FBXW7: variants seen among roughly 807,000 people sequenced by gnomAD.
FBXW7 encodes the protein F-box/WD repeat-containing protein 7.
In FBXW7, 11 loss-of-function variants were observed where a neutral mutation model predicts 86.3. The ratio of observed to expected loss-of-function variants is 0.13; its 90% CI spans 0.08 to 0.21. The LOEUF is 0.21. Among genes scored for constraint, FBXW7 ranks in the 10% least tolerant of loss-of-function variants. The pLI is 1.00. For synonymous variants in FBXW7, 313 were observed against 297.9 expected, an observed-to-expected ratio of 1.05 and a Z score of -0.52; for missense variants, 488 against 847.4, an observed-to-expected ratio of 0.58 and a Z score of 5.27.
At chr4:152,426,034 C>A (rs930888552) in intron 2 of FBXW7, among the ~76,000 whole-genome samples, 1 of 152,152 alleles carries the variant, frequency 6.6e-6, no homozygotes, top group South Asian at 2.1e-4. Context: ...TCATACAGGG[C>A]TCTGTGTCGC....
chr4:152,474,075 T>C (rs1744189305), intron 2 of FBXW7, among the ~76,000 whole-genome samples: 1 of 152,172 alleles, frequency 6.6e-6, no homozygotes, highest in Admixed American at 6.5e-5. Flanking sequence ...GGTGACCAAA[T>C]TAAGACAACA....
At chr4:152,531,267 G>C (rs889743628) in intron 2 of FBXW7, among the ~76,000 whole-genome samples, 19 of 152,212 alleles carry the variant, frequency 1.2e-4, no homozygotes, top group African/African-American at 4.3e-4. Context: ...AGGATGACAA[G>C]AGAAGGCCTC....
At chr4:152,490,161 GA>G (rs1745699500) in intron 2 of FBXW7, among the ~76,000 whole-genome samples, 1 of 152,026 alleles carries the variant, frequency 6.6e-6, no homozygotes, top group Admixed American at 6.6e-5. Context: ...ACGTTACCAG[GA>G]AATCAGGGGA....
At chr4:152,334,758 T>A (rs1042886446) in intron 7 of FBXW7, among the ~76,000 whole-genome samples, 1 of 152,164 alleles carries the variant, frequency 6.6e-6, no homozygotes, top group African/African-American at 2.4e-5. Flanking sequence ...CTAAAGAAAG[T>A]TGAAGTGCTA....
At chr4:152,394,154 G>A (rs1407943997) in intron 4 of FBXW7, among the ~76,000 whole-genome samples, 2 of 152,006 alleles carry the variant, frequency 1.3e-5, no homozygotes, top group Non-Finnish European at 2.9e-5. Flanking sequence ...CATAGTGATT[G>A]CTTCATTTGT....
chr4:152,321,378 ATAAC>A lies in FBXW7; in HGVS notation c.*1499_*1502del. 4.3e-6 allele frequency: 1 copy of A among 233,002 alleles called. No individual in the cohort carries two copies. Among genetic ancestry groups the A allele is most frequent in the Non-Finnish European group, 8.5e-6 (1 of 117,640 alleles). 14.4% of individuals were successfully genotyped at this position (233,002 alleles called of 1,614,324 possible). Reference sequence around the variant, plus strand: ...TTCCTCCATCATGTCAGGTTGTTACATAACTAAAATTAACCAACTTGAATCTGAT... The same window carrying A: ...TTCCTCCATCATGTCAGGTTGTTACATAAAATTAACCAACTTGAATCTGAT... On this transcript the variant is annotated 3_prime_UTR_variant, in exon 14 of 14. Transcript: ENST00000281708.
rs1383146368 is a variant in FBXW7 at position 152,535,043 on chromosome 4, A to T, written c.-212-10T>A. On this transcript the variant is annotated splice_polypyrimidine_tract_variant and intron_variant, in intron 1 of 13. Coordinates refer to ENST00000281708, the MANE Select transcript of FBXW7 (RefSeq NM_001349798.2). ...AGGCTCCGGCGCGGTACTGAGGAAG[A>T]AGCGGTGCTCGTGTCGCTAAACCAG... 2 of 152,272 alleles carry T rather than the reference A, an allele frequency of 1.3e-5. No homozygotes were observed. Among genetic ancestry groups the T allele is most frequent in the Non-Finnish European group, 2.9e-5 (2 of 68,138 alleles). 9.4% of individuals were successfully genotyped at this position (152,272 alleles called of 1,614,324 possible). A position where few individuals can be genotyped will look rare whatever the true frequency, so the allele number is the denominator to read the frequency against.
intron 2 of FBXW7, among the ~76,000 whole-genome samples, chr4:152,522,236 CT>C (rs1749092257): frequency 6.6e-6 from 1 of 152,088 alleles, no homozygotes. Flanking sequence ...TCATAATACA[CT>C]TTTACATGAA....
In FBXW7 at chr4:152,350,116, T is replaced by TC; in HGVS notation, c.509dup (p.Leu172ValfsTer6). 1 of 1,550,964 alleles carries TC rather than the reference T, an allele frequency of 6.4e-7. No homozygotes were observed. Among genetic ancestry groups the TC allele is most frequent in the Non-Finnish European group, 8.8e-7 (1 of 1,142,258 alleles). ...GGACCTCAGAACCATGGTCCAACTT[T>TC]CTTTTCATCTATAAGGTAAAACAAA... On this transcript the variant is annotated frameshift_variant, in exon 5 of 14. Coordinates refer to ENST00000281708, the MANE Select transcript of FBXW7 (RefSeq NM_001349798.2). LOFTEE classifies it high-confidence loss of function.
At chr4:152,398,983 C>T (rs1391856336) in intron 4 of FBXW7, among the ~76,000 whole-genome samples, 1 of 152,040 alleles carries the variant, frequency 6.6e-6, no homozygotes, top group Non-Finnish European at 1.5e-5. Context: ...ATATATATAT[C>T]TTACATTTAC....
chr4:152,454,745 A>G (rs1399243762), intron 2 of FBXW7, among the ~76,000 whole-genome samples: 1 of 152,166 alleles, frequency 6.6e-6, no homozygotes, highest in Non-Finnish European at 1.5e-5. Context: ...AAACAAAAAA[A>G]CCTAGAATGC....
At chr4:152,365,693 A>T (rs1358146595) in intron 4 of FBXW7, among the ~76,000 whole-genome samples, 2 of 152,152 alleles carry the variant, frequency 1.3e-5, no homozygotes, top group African/African-American at 4.8e-5. Flanking sequence ...GGATCTTGAG[A>T]TATCTTGGAG....
intron 2 of FBXW7, among the ~76,000 whole-genome samples, chr4:152,481,189 C>T (rs1441334032): frequency 6.6e-6 from 1 of 152,132 alleles, no homozygotes; most frequent in Non-Finnish European, 1.5e-5. Context: ...AATTGTAGGG[C>T]CCTTAAGAAA....
chr4:152,415,720 C>T lies in FBXW7; in HGVS notation c.-119-3191G>A, dbSNP rs577854760. On this transcript the variant is annotated intron_variant, in intron 2 of 13. Coordinates refer to ENST00000281708, the MANE Select transcript of FBXW7 (RefSeq NM_001349798.2). ...CTTCTATCATCTACATACATCCCCA[C>T]CACTGTGAACTCATATTTTACTACT... is the stretch of plus-strand genomic sequence containing the variant. Among the ~76,000 whole-genome samples the T allele has an allele frequency of 2.0e-5, 3 of 152,204 alleles. No individual in the cohort carries two copies. In the East Asian group the frequency reaches 5.8e-4, roughly 29 times the overall value.
chr4:152,528,023 G>A (rs1456257820), intron 2 of FBXW7, among the ~76,000 whole-genome samples: 2 of 151,862 alleles, frequency 1.3e-5, no homozygotes, highest in African/African-American at 2.4e-5. Context: ...AGATGAAAAC[G>A]CCAAAGCCAG....
chr4:152,457,128 A>G (rs1742484270), intron 2 of FBXW7, among the ~76,000 whole-genome samples: 1 of 152,228 alleles, frequency 6.6e-6, no homozygotes, highest in African/African-American at 2.4e-5. Flanking sequence ...AGTCAGACAA[A>G]AGAGGAGACA....
At chr4:152,494,061 T>G (rs1746091793) in intron 2 of FBXW7, among the ~76,000 whole-genome samples, 1 of 152,144 alleles carries the variant, frequency 6.6e-6, no homozygotes, top group Non-Finnish European at 1.5e-5. Flanking sequence ...ATGCTTATTG[T>G]TTTTATTTTT....
At chr4:152,346,779 G>A in intron 6 of FBXW7, 151 bp downstream of exon 6, 1 of 1,018,290 alleles carries the variant, frequency 9.8e-7, no homozygotes, top group Non-Finnish European at 1.4e-6. Context: ...GTGGCCTTTT[G>A]TGTCTGGCTT....
intron 2 of FBXW7, among the ~76,000 whole-genome samples, chr4:152,529,630 C>T (rs1749829407): frequency 1.3e-5 from 2 of 152,138 alleles, no homozygotes; most frequent in Admixed American, 6.5e-5. Context: ...AAGTGAATTA[C>T]ACTTTCTGAA....
Sources: allele counts gnomAD v4.1 joint callset (sites outside exome capture counted in the v4.1 genomes callset), GRCh38; gene constraint gnomAD v4.1.1; transcripts MANE v1.5; gene names NCBI Gene and HGNC (gene_info 2026-07-23, HGNC 2026-07-21).